Variants in FASTKD2 observed in about 807,000 individuals in gnomAD.
FASTKD2 encodes FAST kinase domains 2, also known as FAST kinase domain-containing protein 2, mitochondrial.
A neutral mutation model predicts 63.6 loss-of-function variants in FASTKD2; 51 were observed. That is an observed-to-expected ratio of 0.80 (90% CI 0.64 to 1.01). The LOEUF is 1.01. Among genes scored for constraint, FASTKD2 ranks in the 50% least tolerant of loss-of-function variants. The pLI, the probability that FASTKD2 is intolerant of heterozygous loss-of-function variation, is 0.00. For synonymous variants in FASTKD2, 284 were observed against 293.4 expected (o/e 0.97, Z 0.33); for missense variants, 786 against 831.1 (o/e 0.95, Z 0.67).
intron 8 of FASTKD2, among the ~76,000 whole-genome samples, chr2:206,787,634 T>C (rs1690170082): frequency 6.6e-6 from 1 of 152,150 alleles, no homozygotes; most frequent in South Asian, 2.1e-4. Context: ...TTTGCCTTAA[T>C]TACGAGGCTT....
At chr2:206,790,809 G>A in intron 11 of FASTKD2, 123 bp downstream of exon 11, 1 of 730,490 alleles carries the variant, frequency 1.4e-6, no homozygotes. Flanking sequence ...ATTGGAATGA[G>A]TGCTTTAGTT....
At chr2:206,775,619 G>A (rs780373589) in intron 7 of FASTKD2, among the ~76,000 whole-genome samples, 2 of 151,686 alleles carry the variant, frequency 1.3e-5, no homozygotes, top group Admixed American at 6.6e-5. Flanking sequence ...TGGTATCAGG[G>A]TAATACTGGA....
In FASTKD2 at chr2:206,767,019, C is replaced by T. The variant is rs752757043; in HGVS notation, c.326C>T (p.Ala109Val). 5.6e-6 allele frequency: 9 copies of T among 1,613,512 alleles called. No individual in the cohort carries two copies. Among genetic ancestry groups the T allele is most frequent in the African/African-American group, 2.7e-5 (2 of 74,908 alleles). Residue 109 changes from alanine to valine, a missense_variant, in exon 2 of 12, where the codon GCT becomes GTT. Ala to Val is a moderately conservative substitution (Grantham distance 64). Transcript: ENST00000402774. Reference sequence around the variant, plus strand: ...CTTAGAATTGAAAGACTACTTTATGCTAAAAGACTGTTTTTTGACTCAAAG... The same window carrying T: ...CTTAGAATTGAAAGACTACTTTATGTTAAAAGACTGTTTTTTGACTCAAAG... ...TALRIERLLYAKRLFFDSKQS... is the reference protein window; with the variant it reads ...TALRIERLLYVKRLFFDSKQS...
In FASTKD2 at chr2:206,791,819, T is replaced by G; in HGVS notation, c.*17T>G. 6.2e-7 allele frequency: 1 copy of G among 1,609,588 alleles called. No individual in the cohort carries two copies. Among genetic ancestry groups the G allele is most frequent in the South Asian group, 1.1e-5 (1 of 90,948 alleles). On this transcript the variant is annotated 3_prime_UTR_variant, in exon 12 of 12. Coordinates refer to ENST00000402774, the MANE Select transcript of FASTKD2 (RefSeq NM_001136193.2). ...ACACAATAAAGTGAAAATCAACCTT[T>G]TCATATTAGGAGACATGCATTTGTA...
At chr2:206,777,498 G>A (rs778407498) in intron 7 of FASTKD2, among the ~76,000 whole-genome samples, 6 of 151,990 alleles carry the variant, frequency 3.9e-5, no homozygotes, top group African/African-American at 1.2e-4. Flanking sequence ...ATACTGAACC[G>A]TCTTTGCATC....
At chr2:206,784,864 G>A (rs1690094568) in intron 7 of FASTKD2, among the ~76,000 whole-genome samples, 1 of 152,230 alleles carries the variant, frequency 6.6e-6, no homozygotes, top group South Asian at 2.1e-4. Flanking sequence ...CTTCTTGCCA[G>A]AGGATTCTGT....
At chr2:206,783,635 C>T (rs1009303621) in intron 7 of FASTKD2, among the ~76,000 whole-genome samples, 3 of 152,034 alleles carry the variant, frequency 2.0e-5, no homozygotes, top group African/African-American at 7.3e-5. Flanking sequence ...CAGGTGACTC[C>T]AGGCAACCTG....
rs956771974 is a variant in FASTKD2, at chr2:206,795,926, C to T, written c.*4124C>T. Among the ~76,000 whole-genome samples the T allele has an allele frequency of 6.6e-6, 1 of 152,136 alleles. No individual in the cohort carries two copies. Among genetic ancestry groups the T allele is most frequent in the South Asian group, 2.1e-4 (1 of 4,824 alleles). On this transcript the variant is annotated 3_prime_UTR_variant, in exon 12 of 12. Coordinates refer to ENST00000402774, the MANE Select transcript of FASTKD2 (RefSeq NM_001136193.2). Reference sequence around the variant, plus strand: ...TCCAGGCTGTAAGCAGAGATAGCATCTCTTCTGGACAGCCAGTTATGTGAT... The same window carrying T: ...TCCAGGCTGTAAGCAGAGATAGCATTTCTTCTGGACAGCCAGTTATGTGAT...
chr2:206,781,900 T>C (rs528457281), intron 7 of FASTKD2, among the ~76,000 whole-genome samples: 36 of 152,178 alleles, frequency 2.4e-4, no homozygotes, highest in African/African-American at 5.8e-4. Context: ...TGAGGTGAGA[T>C]AGAAACCAGC....
chr2:206,791,509 C>CTTAA (rs910161430), intron 11 of FASTKD2, 174 bp from the exon 12 acceptor site: 1 of 619,492 alleles, frequency 1.6e-6, no homozygotes, highest in Non-Finnish European at 2.8e-6. Flanking sequence ...TTAAAGCTTT[C>CTTAA]TTAAACCCTA....
Position 206,788,108 on chromosome 2 carries a change from A to G in FASTKD2, c.1766A>G (p.Glu589Gly). The G allele has an allele frequency of 4.3e-6, 7 of 1,612,712 alleles. No individual in the cohort carries two copies. The highest frequency in any genetic ancestry group is 5.9e-6 in the Non-Finnish European group (7 of 1,179,212). Residue 589 changes from glutamate to glycine, a missense_variant, in exon 9 of 12, where the codon GAA becomes GGA. Coordinates refer to ENST00000402774, the MANE Select transcript of FASTKD2 (RefSeq NM_001136193.2). ...AEVLSSLLGG[E>G]GHFSKDVHLP... Reference sequence around the variant, plus strand: ...GTGCTGAGCAGCCTTCTGGGAGGTGAAGGACACTTCTCAAAGGATGTGCAC... The same window carrying G: ...GTGCTGAGCAGCCTTCTGGGAGGTGGAGGACACTTCTCAAAGGATGTGCAC...
In FASTKD2 at chr2:206,796,003, C is replaced by T. The variant is rs531052965; in HGVS notation, c.*4201C>T. ...TCAGACTAAAGGCTGCTCCTTCAGC[C>T]TTTCCATTCATCTTGTAAGCAGGAG... On this transcript the variant is annotated 3_prime_UTR_variant, in exon 12 of 12. Coordinates refer to ENST00000402774, the MANE Select transcript of FASTKD2 (RefSeq NM_001136193.2). Among the ~76,000 whole-genome samples the T allele has an allele frequency of 2.1e-4, 32 of 152,270 alleles. No homozygotes were observed. In the East Asian group the frequency reaches 6.2e-3, roughly 29 times the overall value.
In FASTKD2 at chr2:206,794,019, G is replaced by A. The variant is rs1317269879; in HGVS notation, c.*2217G>A. Among the ~76,000 whole-genome samples the A allele has an allele frequency of 2.0e-5, 3 of 152,086 alleles. No individual in the cohort carries two copies. The highest frequency in any genetic ancestry group is 4.4e-5 in the Non-Finnish European group (3 of 68,012). ...ACCTTTCTGGAATGTACTTTGTGGGGTTTTCTTCTCCCATAATTTAAAAAA... is the reference window on the plus strand; with the variant it reads ...ACCTTTCTGGAATGTACTTTGTGGGATTTTCTTCTCCCATAATTTAAAAAA... On this transcript the variant is annotated 3_prime_UTR_variant, in exon 12 of 12. Coordinates refer to ENST00000402774, the MANE Select transcript of FASTKD2 (RefSeq NM_001136193.2).
chr2:206,788,995 C>T lies in FASTKD2; in HGVS notation c.1898+92C>T, dbSNP rs77690144. On this transcript the variant is annotated intron_variant, in intron 10 of 11. Transcript: ENST00000402774. ...TTAAATAGCAGTAGTAAATCTAAGA[C>T]TTGATGTTTGTATGGAGCCTGCAGC... is the stretch of plus-strand genomic sequence containing the variant. 2.1e-3 allele frequency: 1,559 copies of T among 750,592 alleles called. 26 individuals are homozygous for T. In the East Asian group the frequency reaches 0.032, roughly 16 times the overall value. The allele number at this position is 750,592 out of a possible 1,614,324, so 46.5% of individuals were successfully genotyped here.
At position 206,766,843 on chromosome 2, in the gene FASTKD2, A is replaced by G. The variant is rs775258027; in HGVS notation, c.150A>G (p.Lys50=). The G allele has an allele frequency of 6.2e-7, 1 of 1,608,964 alleles. No homozygotes were observed. The highest frequency in any genetic ancestry group is 8.5e-7 in the Non-Finnish European group (1 of 1,177,156). ...TMRLCCLGLC[K]PKIVHSNWNI... The stretch of plus-strand genomic sequence containing the variant: ...GGCTATGTTGTTTGGGACTTTGCAA[A>G]CCAAAAATAGTTCATTCAAACTGGA... The change falls in exon 2 of 12, where the codon AAA becomes AAG. Residue 50 remains lysine (K), a synonymous_variant. Transcript: ENST00000402774.
intron 4 of FASTKD2, 99 bp downstream of exon 4, chr2:206,771,389 G>A: frequency 2.7e-6 from 2 of 741,680 alleles, no homozygotes; most frequent in Non-Finnish European, 4.9e-6. Flanking sequence ...GGACATTGCT[G>A]GGCTTTTAGG....
intron 10 of FASTKD2, chr2:206,790,236 A>G (rs528132596): frequency 2.3e-5 from 6 of 259,210 alleles, no homozygotes; most frequent in African/African-American, 1.3e-4. Context: ...CTGGTAGAAT[A>G]AATAATTATA....
intron 7 of FASTKD2, among the ~76,000 whole-genome samples, chr2:206,777,195 A>G (rs536374614): frequency 6.4e-4 from 97 of 152,198 alleles, no homozygotes; most frequent in Non-Finnish European, 1.3e-3. Context: ...TACTCTGGCT[A>G]AGATTTCCAG....
At chr2:206,766,579 T>A in intron 1 of FASTKD2, 65 bp from the exon 2 acceptor site, 1 of 935,128 alleles carries the variant, frequency 1.1e-6, no homozygotes, top group Admixed American at 1.9e-5. Flanking sequence ...GTTAAATGCA[T>A]TTCATTTCTT....
Sources: gnomAD v4.1 joint callset for allele counts (sites outside exome capture counted in the v4.1 genomes callset) on GRCh38, gnomAD v4.1.1 for gene constraint, MANE v1.5 for transcripts, NCBI Gene and HGNC (gene_info 2026-07-23, HGNC 2026-07-21) for gene names.